Variants in PKHD1 observed in about 807,000 individuals in gnomAD.
The protein encoded by PKHD1 is PKHD1 ciliary IPT domain containing fibrocystin/polyductin.
In PKHD1, 291 loss-of-function variants were observed where a neutral mutation model predicts 412.0. The observed-to-expected ratio is 0.71, with a 90% CI of 0.64 to 0.78. The LOEUF (loss-of-function observed/expected upper bound fraction) is 0.78, where lower values mean the gene tolerates loss of function less well. Ranked by LOEUF, PKHD1 falls within the 30% of genes least tolerant of loss-of-function variation. The probability of loss-of-function intolerance (pLI) is 0.00; values close to 1 mark genes in which losing one functional copy is unlikely to be tolerated. For synonymous variants in PKHD1, 1,777 were observed against 1,821.5 expected (o/e 0.98, Z 0.62); for missense variants, 4,825 against 4,950.7 (o/e 0.97, Z 0.76).
Position 51,802,391 on chromosome 6 carries a change from T to C in PKHD1, c.8303-11018A>G, listed in dbSNP as rs1454257317. Among the ~76,000 whole-genome samples, 6 of 151,732 alleles carry C rather than the reference T, an allele frequency of 4.0e-5. No homozygotes were observed. The South Asian group carries it at 6.2e-4, about 16-fold the overall frequency. The stretch of plus-strand genomic sequence containing the variant: ...ATAATTCTATTACCTGTATACATTG[T>C]TAATGAATTCTAACTAACATGAGGT... On this transcript the variant is annotated intron_variant, in intron 52 of 66. Transcript: ENST00000371117.
chr6:51,759,857 C>G (rs1372668015), intron 55 of PKHD1, among the ~76,000 whole-genome samples: 2 of 152,106 alleles, frequency 1.3e-5, no homozygotes, highest in African/African-American at 4.8e-5. Context: ...CTTTAGCTAA[C>G]CACCTAACTA....
At chr6:51,694,114 A>G (rs571730422) in intron 60 of PKHD1, among the ~76,000 whole-genome samples, 2 of 152,174 alleles carry the variant, frequency 1.3e-5, no homozygotes, top group Non-Finnish European at 2.9e-5. Context: ...GCTTCATCTT[A>G]ATAATTAATA....
intron 43 of PKHD1, among the ~76,000 whole-genome samples, chr6:51,888,666 T>C (rs1692501774): frequency 6.6e-6 from 1 of 151,952 alleles, no homozygotes; most frequent in Admixed American, 6.6e-5. Flanking sequence ...CACTCATTTA[T>C]GATCCCTGCC....
At chr6:51,738,924 C>T (rs1160579827) in intron 60 of PKHD1, among the ~76,000 whole-genome samples, 1 of 152,000 alleles carries the variant, frequency 6.6e-6, no homozygotes, top group Admixed American at 6.5e-5. Context: ...ACACAAGACA[C>T]ACACACACAC....
At chr6:52,002,668 A>T (rs1798578509) in intron 35 of PKHD1, among the ~76,000 whole-genome samples, 1 of 152,128 alleles carries the variant, frequency 6.6e-6, no homozygotes, top group South Asian at 2.1e-4. Flanking sequence ...GTCTAAAAGG[A>T]AAAAAAGAAA....
At chr6:51,898,046 C>T (rs1780444346) in intron 43 of PKHD1, among the ~76,000 whole-genome samples, 1 of 149,048 alleles carries the variant, frequency 6.7e-6, no homozygotes, top group Admixed American at 6.7e-5. Context: ...GAGACTTAGA[C>T]TCCCACACAT....
intron 63 of PKHD1, among the ~76,000 whole-genome samples, chr6:51,645,642 C>T (rs1239399456): frequency 6.6e-6 from 1 of 152,208 alleles, no homozygotes; most frequent in Middle Eastern, 3.2e-3. Context: ...GATCCAGCCA[C>T]CTTAGCCTCC....
chr6:51,812,915 G>A (rs1025086857), intron 52 of PKHD1, among the ~76,000 whole-genome samples: 8 of 152,096 alleles, frequency 5.3e-5, no homozygotes, highest in Admixed American at 4.6e-4. Flanking sequence ...ATTGATTCCA[G>A]GTTTTTAGAT....
At position 51,912,255 on chromosome 6, in the gene PKHD1, T is replaced by A. The variant is rs1389915758; in HGVS notation, c.6332+111A>T. ...TTCTTGTCAAAATGTCTACCATTAT[T>A]TAAGCAGAAGAAATATATCATTGAA... is the stretch of plus-strand genomic sequence containing the variant. On this transcript the variant is annotated intron_variant, in intron 38 of 66. Transcript: ENST00000371117. The A allele has an allele frequency of 7.6e-6, 6 of 792,678 alleles. No individual in the cohort carries two copies. In the Admixed American group the frequency reaches 1.1e-4, roughly 14 times the overall value. 49.1% of individuals were successfully genotyped at this position (792,678 alleles called of 1,614,324 possible).
At chr6:51,946,854 A>C (rs894551031) in intron 36 of PKHD1, among the ~76,000 whole-genome samples, 2 of 152,248 alleles carry the variant, frequency 1.3e-5, no homozygotes, top group African/African-American at 4.8e-5. Flanking sequence ...CAGCTAGCTA[A>C]TGTTTGCAAA....
chr6:51,639,037 C>T (rs568121451), intron 63 of PKHD1, 81 bp from the exon 64 acceptor site: 1 of 1,050,898 alleles, frequency 9.5e-7, no homozygotes. Flanking sequence ...CGAAGGCAGA[C>T]ATTTGGACAA....
intron 61 of PKHD1, among the ~76,000 whole-genome samples, chr6:51,658,077 T>C (rs1394036455): frequency 6.6e-6 from 1 of 152,120 alleles, no homozygotes; most frequent in African/African-American, 2.4e-5. Flanking sequence ...CTTTAAGCAT[T>C]CTAATTCTCA....
chr6:51,798,283 G>C (rs1794902904), intron 52 of PKHD1, among the ~76,000 whole-genome samples: 1 of 152,062 alleles, frequency 6.6e-6, no homozygotes, highest in African/African-American at 2.4e-5. Context: ...GGAGGCTGAG[G>C]CACAAGAATT....
At chr6:52,005,649 T>C (rs1267960605) in intron 35 of PKHD1, among the ~76,000 whole-genome samples, 1 of 152,106 alleles carries the variant, frequency 6.6e-6, no homozygotes, top group East Asian at 1.9e-4. Context: ...GGGAAGAGCA[T>C]GGCATACACA....
At chr6:51,943,050 G>T (rs1788828914) in intron 36 of PKHD1, among the ~76,000 whole-genome samples, 1 of 151,526 alleles carries the variant, frequency 6.6e-6, no homozygotes, top group African/African-American at 2.4e-5. Flanking sequence ...GGCCACCACG[G>T]TCATTTCTTC....
intron 33 of PKHD1, 100 bp downstream of exon 33, chr6:52,022,701 T>C (rs1801571085): frequency 8.4e-7 from 1 of 1,194,542 alleles, no homozygotes; most frequent in African/African-American, 1.5e-5. Context: ...ATAGAGAAAT[T>C]AGTAGTCAGT....
At chr6:51,873,345 A>C (rs1209845971) in intron 46 of PKHD1, among the ~76,000 whole-genome samples, 1 of 152,224 alleles carries the variant, frequency 6.6e-6, no homozygotes, top group East Asian at 1.9e-4. Context: ...TAGAAGGCTG[A>C]ATAATGCTTG....
intron 60 of PKHD1, among the ~76,000 whole-genome samples, chr6:51,741,863 A>G (rs552544984): frequency 6.6e-5 from 10 of 152,356 alleles, no homozygotes; most frequent in African/African-American, 2.4e-4. Context: ...AGGATAAAAT[A>G]TAATTTTCAT....
At position 51,775,386 on chromosome 6, in the gene PKHD1, A is replaced by T. The variant is rs113213310; in HGVS notation, c.8554+422T>A. On this transcript the variant is annotated intron_variant, in intron 54 of 66. Transcript: ENST00000371117. ...GTACTTTTACATAGACCAATTTAAA[A>T]TAGCATTTGGTATTGTGGCAATAGC... 6.6e-3 allele frequency among the ~76,000 whole-genome samples: 1,000 copies of T among 152,070 alleles called. 15 individuals carry two copies. Among genetic ancestry groups the T allele is most frequent in the African/African-American group, 0.023 (963 of 41,560 alleles).
Sources: allele counts gnomAD v4.1 joint callset (sites outside exome capture counted in the v4.1 genomes callset), GRCh38; gene constraint gnomAD v4.1.1; transcripts MANE v1.5; gene names NCBI Gene and HGNC (gene_info 2026-07-23, HGNC 2026-07-21).